Variants in OPHN1 observed in about 807,000 individuals in gnomAD.
OPHN1 encodes the protein oligophrenin 1, also known as oligophrenin-1.
A neutral mutation model predicts 60.7 loss-of-function variants in OPHN1; 11 were observed. The observed-to-expected ratio is 0.18, with a 90% CI of 0.11 to 0.30. OPHN1 has a LOEUF of 0.30. OPHN1 is among the 10% of genes least tolerant of loss of function. The probability of loss-of-function intolerance (pLI) is 1.00; values close to 1 mark genes in which losing one functional copy is unlikely to be tolerated. For synonymous variants in OPHN1, 226 were observed against 222.6 expected (o/e 1.02, Z -0.14); for missense variants, 449 against 611.0 (o/e 0.73, Z 2.80).
intron 14 of OPHN1, 67 bp from the exon 15 acceptor site, chrX:68,193,060 C>A: frequency 1.1e-6 from 1 of 872,052 alleles, no homozygotes; most frequent in Non-Finnish European, 1.7e-6. Context: ...CCTTGGTACA[C>A]TAGGGTCAAT....
intron 19 of OPHN1, among the ~76,000 whole-genome samples, chrX:68,079,431 C>CT (rs2076966217): frequency 1.8e-5 from 2 of 111,968 alleles, no homozygotes; most frequent in Admixed American, 1.9e-4. Context: ...CCAACAGGTA[C>CT]TTTTTCAATT....
chrX:68,125,774 C>T (rs1187199139), intron 15 of OPHN1, among the ~76,000 whole-genome samples: 1 of 104,938 alleles, frequency 9.5e-6, no homozygotes, highest in Non-Finnish European at 2.0e-5. Context: ...TAATACTAAA[C>T]CTATTCAAAC....
Position 68,175,070 on chromosome X carries a change from G to A in OPHN1, c.1276+17849C>T, listed in dbSNP as rs917480914. Among the ~76,000 whole-genome samples, 6 of 107,809 alleles carry A rather than the reference G, an allele frequency of 5.6e-5. No homozygotes were observed. In the Admixed American group the frequency reaches 6.0e-4, roughly 11 times the overall value. The allele number at this position is 107,809 out of a possible 115,157, so 93.6% of individuals were successfully genotyped here. A position where few individuals can be genotyped will look rare whatever the true frequency, so the allele number is the denominator to read the frequency against. On this transcript the variant is annotated intron_variant, in intron 15 of 24. Coordinates refer to ENST00000355520, the MANE Select transcript of OPHN1 (RefSeq NM_002547.3). ...TTGCACTCCAGCCTAGCGACAGAGCGAGACTCTGTCTCAAAAAAAAAAGAA... is the reference window on the plus strand; with the variant it reads ...TTGCACTCCAGCCTAGCGACAGAGCAAGACTCTGTCTCAAAAAAAAAAGAA...
chrX:68,165,948 G>A, intron 15 of OPHN1, among the ~76,000 whole-genome samples: 1 of 111,980 alleles, frequency 8.9e-6, no homozygotes, highest in Non-Finnish European at 1.9e-5. Context: ...GCAATTCACT[G>A]GAGAAGGGAA....
intron 2 of OPHN1, among the ~76,000 whole-genome samples, chrX:68,378,197 T>A (rs1290786094): frequency 1.8e-5 from 2 of 112,675 alleles, no homozygotes; most frequent in African/African-American, 6.4e-5. Context: ...ATGAGCATTT[T>A]TTCATGTGTC....
At chrX:68,106,190 C>CTT (rs71831333) in intron 18 of OPHN1, among the ~76,000 whole-genome samples, 12 of 74,465 alleles carry the variant, frequency 1.6e-4, no homozygotes, top group East Asian at 8.6e-4. Context: ...AAAGCTTTTC[C>CTT]TTTTTTTTTT....
intron 24 of OPHN1, 82 bp downstream of exon 24, chrX:68,048,334 A>T: frequency 1.1e-6 from 1 of 885,938 alleles, no homozygotes; most frequent in Non-Finnish European, 1.7e-6. Flanking sequence ...TCTACATGTT[A>T]TTCCAGTCCT....
At chrX:68,327,944 C>T (rs2147670858) in intron 2 of OPHN1, among the ~76,000 whole-genome samples, 1 of 103,245 alleles carries the variant, frequency 9.7e-6, no homozygotes, top group Admixed American at 1.0e-4. Flanking sequence ...ATTCTCCTGC[C>T]TCAGCCTCCC....
chrX:68,154,118 T>C (rs2077298069), intron 15 of OPHN1, among the ~76,000 whole-genome samples: 1 of 112,186 alleles, frequency 8.9e-6, no homozygotes, highest in Admixed American at 9.4e-5. Context: ...CAGCTAATAT[T>C]TACAGAGTGC....
intron 2 of OPHN1, among the ~76,000 whole-genome samples, chrX:68,386,097 AC>A (rs1272800791): frequency 8.9e-6 from 1 of 112,118 alleles, no homozygotes; most frequent in African/African-American, 3.2e-5. Context: ...GAAACAATGA[AC>A]CCTTTCTTTC....
At chrX:68,073,646 G>A (rs942929633) in intron 19 of OPHN1, among the ~76,000 whole-genome samples, 8 of 112,030 alleles carry the variant, frequency 7.1e-5, no homozygotes, top group Admixed American at 4.7e-4. Flanking sequence ...CATAGGGACA[G>A]CATCACCCAC....
At chrX:68,147,015 A>G (rs1318104090) in intron 15 of OPHN1, among the ~76,000 whole-genome samples, 1 of 112,199 alleles carries the variant, frequency 8.9e-6, no homozygotes, top group Non-Finnish European at 1.9e-5. Flanking sequence ...ATAAGGCCTC[A>G]TAGTTCTACA....
At chrX:68,201,390 G>A (rs1602230983) in intron 11 of OPHN1, among the ~76,000 whole-genome samples, 1 of 112,029 alleles carries the variant, frequency 8.9e-6, no homozygotes. Context: ...CAGAGCAAGT[G>A]AGGCAAAGCT....
chrX:68,258,996 T>G (rs2077880155), intron 5 of OPHN1, among the ~76,000 whole-genome samples: 1 of 112,230 alleles, frequency 8.9e-6, no homozygotes, highest in Admixed American at 9.5e-5. Context: ...TAGACCAATT[T>G]GGCAACACAT....
At chrX:68,132,065 C>T (rs6624346) in intron 15 of OPHN1, among the ~76,000 whole-genome samples, 2 of 111,420 alleles carry the variant, frequency 1.8e-5, no homozygotes, top group East Asian at 2.8e-4. Context: ...TTTAATGAGG[C>T]GATTAGAGGA....
chrX:68,314,223 C>A (rs2078187378), intron 2 of OPHN1, among the ~76,000 whole-genome samples: 1 of 111,840 alleles, frequency 8.9e-6, no homozygotes, highest in South Asian at 3.7e-4. Flanking sequence ...AATCAGTAAT[C>A]AAAATCCTCC....
At chrX:68,220,351 T>A (rs2077647700) in intron 6 of OPHN1, among the ~76,000 whole-genome samples, 1 of 110,110 alleles carries the variant, frequency 9.1e-6, no homozygotes, top group Non-Finnish European at 1.9e-5. Context: ...CTACCAGAGG[T>A]ACAAGGAGGA....
chrX:68,076,869 A>T (rs763728771), intron 19 of OPHN1, among the ~76,000 whole-genome samples: 2 of 111,830 alleles, frequency 1.8e-5, no homozygotes, highest in Non-Finnish European at 3.8e-5. Flanking sequence ...TTAATCTCAG[A>T]ATAACTATGC....
chrX:68,231,238 G>T (rs1437046281), intron 6 of OPHN1, among the ~76,000 whole-genome samples: 1 of 111,818 alleles, frequency 8.9e-6, no homozygotes, highest in Non-Finnish European at 1.9e-5. Context: ...GATATTCCAT[G>T]TACATATTAG....
Sources: gnomAD v4.1 joint callset for allele counts (sites outside exome capture counted in the v4.1 genomes callset) on GRCh38, gnomAD v4.1.1 for gene constraint, MANE v1.5 for transcripts, NCBI Gene and HGNC (gene_info 2026-07-23, HGNC 2026-07-21) for gene names.